The following RRM2 variants were observed in gnomAD, a reference collection of about 807,000 sequenced individuals.
The protein encoded by RRM2 is ribonucleoside-diphosphate reductase subunit M2.
In RRM2, 6 loss-of-function variants were observed where a neutral mutation model predicts 45.9. The observed-to-expected ratio is 0.13, with a 90% CI of 0.07 to 0.26. The LOEUF (loss-of-function observed/expected upper bound fraction) is 0.26, where lower values mean the gene tolerates loss of function less well. RRM2 is among the 10% of genes least tolerant of loss of function. The pLI is 1.00. For missense variants in RRM2, 343 were observed against 489.5 expected, an observed-to-expected ratio of 0.70 and a Z score of 2.82; for synonymous variants, 177 against 173.0, an observed-to-expected ratio of 1.02 and a Z score of -0.18.
rs770156338 is a variant in RRM2 at position 10,129,062 on chromosome 2, C to A, written c.925C>A (p.Pro309Thr). The A allele has an allele frequency of 6.2e-7, 1 of 1,613,988 alleles. No homozygotes were observed. Among genetic ancestry groups the A allele is most frequent in the Non-Finnish European group, 8.5e-7 (1 of 1,179,982 alleles). ...IEQEFLTEAL[P>T]VKLIGMNCTL... ...CTAGGAGTTCCTCACTGAGGCCTTG[C>A]CTGTGAAGCTCATTGGGATGAATTG... The change falls in exon 9 of 10, where the codon CCT (proline) becomes ACT (threonine). Residue 309 changes from proline (P) to threonine (T), a missense_variant. Pro to Thr is a conservative substitution (Grantham distance 38). Coordinates refer to ENST00000304567, the MANE Select transcript of RRM2 (RefSeq NM_001034.4). The surrounding 1 kb of genome is among the most constrained non-coding windows in gnomAD (Gnocchi z 4.8).
intron 3 of RRM2, among the ~76,000 whole-genome samples, chr2:10,165,980 C>T (rs1294400383): frequency 6.6e-6 from 1 of 152,134 alleles, no homozygotes; most frequent in Non-Finnish European, 1.5e-5. Flanking sequence ...GCATCAGAGG[C>T]TTTTGAAGGC....
upstream of RRM2, among the ~76,000 whole-genome samples, chr2:10,136,632 G>A (rs932253981): frequency 6.6e-6 from 1 of 152,200 alleles, no homozygotes; most frequent in Non-Finnish European, 1.5e-5. Context: ...AATTAGCCAT[G>A]TGTGGTGGCA....
rs367756522 is a variant in RRM2, at chr2:10,172,403, C to T, written n.482+30028C>T. On this transcript the variant is annotated intron_variant and non_coding_transcript_variant, in intron 3 of 3. Coordinates refer to the RRM2 transcript ENST00000381786. This position sits in a 1 kb window ranked among gnomAD's most constrained non-coding sequence, Gnocchi z 4.9. ...CGGACGGAGGACACTGCTTCTGCAG[C>T]GCTCCTTGTCTCCGTCAGTGATTTA... is the stretch of plus-strand genomic sequence containing the variant. Among the ~76,000 whole-genome samples, 1 of 152,134 alleles carries T rather than the reference C, an allele frequency of 6.6e-6. No individual in the cohort carries two copies. The highest frequency in any genetic ancestry group is 6.5e-5 in the Admixed American group (1 of 15,274).
At chr2:10,196,012 C>T (rs1056338077) in intron 3 of RRM2, among the ~76,000 whole-genome samples, 7 of 152,216 alleles carry the variant, frequency 4.6e-5, no homozygotes, top group African/African-American at 1.7e-4. Context: ...AGCCGGCCGC[C>T]CAGGGACCTG....
At chr2:10,134,100 C>T (rs1662948662), downstream of RRM2, among the ~76,000 whole-genome samples, 1 of 147,676 alleles carries the variant, frequency 6.8e-6, no homozygotes, top group South Asian at 2.1e-4. Context: ...ATCACTTGAA[C>T]CTGGGAGGCA....
At chr2:10,199,288 A>AAT in intron 3 of RRM2, 1 of 112,484 alleles carries the variant, frequency 8.9e-6, no homozygotes, top group Admixed American at 9.6e-5. Flanking sequence ...GAAAAAAAAA[A>AAT]GGGGGGGGGG....
At chr2:10,141,906 A>G in exon 2 of RRM2, 2 of 1,576,842 alleles carry the variant, frequency 1.3e-6, no homozygotes, top group Non-Finnish European at 1.7e-6. Flanking sequence ...CCTCGGGGAG[A>G]CAGCACGCCA....
In RRM2 at chr2:10,124,855, G is replaced by A; in HGVS notation, c.569+5G>A. On this transcript the variant is annotated splice_donor_5th_base_variant and intron_variant, in intron 5 of 9. Coordinates refer to ENST00000304567, the MANE Select transcript of RRM2 (RefSeq NM_001034.4). ...CATAAAAGATCCCAAAGAAAGGTGA[G>A]TATTCAAGTGGTATGCCAAGATTTT... 1 of 1,590,636 alleles carries A rather than the reference G, an allele frequency of 6.3e-7. No individual in the cohort carries two copies. Among genetic ancestry groups the A allele is most frequent in the Non-Finnish European group, 8.6e-7 (1 of 1,164,222 alleles).
chr2:10,148,121 G>A (rs1663228945), intron 3 of RRM2, among the ~76,000 whole-genome samples: 1 of 137,906 alleles, frequency 7.3e-6, no homozygotes, highest in Admixed American at 8.3e-5. Context: ...TCCAGCCTGG[G>A]CAACAGAGTG....
At chr2:10,182,918 C>T (rs1255050690) in intron 3 of RRM2, among the ~76,000 whole-genome samples, 1 of 152,174 alleles carries the variant, frequency 6.6e-6, no homozygotes, top group African/African-American at 2.4e-5. Flanking sequence ...TGGTTCATAC[C>T]TGTGATCCCA....
At chr2:10,141,910 C>A in exon 2 of RRM2, 1 of 1,577,478 alleles carries the variant, frequency 6.3e-7, no homozygotes, top group Non-Finnish European at 8.6e-7. Context: ...GGGGAGACAG[C>A]ACGCCAGTGA....
chr2:10,140,740 C>T (rs1454264721), upstream of RRM2, among the ~76,000 whole-genome samples: 2 of 152,156 alleles, frequency 1.3e-5, no homozygotes, highest in Non-Finnish European at 2.9e-5. Context: ...AGGAAGGTGT[C>T]CCACGTGGAG....
intron 8 of RRM2, 36 bp downstream of exon 8, chr2:10,128,988 C>CT (rs760575477): frequency 6.2e-7 from 1 of 1,608,864 alleles, no homozygotes; most frequent in East Asian, 2.2e-5. Flanking sequence ...CTCAAGCTTG[C>CT]TAGAAAATGC....
chr2:10,153,316 A>G (rs1362733484), intron 3 of RRM2, among the ~76,000 whole-genome samples: 1 of 152,180 alleles, frequency 6.6e-6, no homozygotes, highest in Middle Eastern at 3.2e-3. Flanking sequence ...CCTGGGTGAC[A>G]GAGTGAGGCC....
At chr2:10,199,625 C>T (rs1664495924) in intron 3 of RRM2, among the ~76,000 whole-genome samples, 1 of 151,594 alleles carries the variant, frequency 6.6e-6, no homozygotes, top group Non-Finnish European at 1.5e-5. Context: ...ACTAAAAATA[C>T]AAAAATTAGC....
upstream of RRM2, among the ~76,000 whole-genome samples, chr2:10,140,009 G>A (rs1327931839): frequency 6.6e-6 from 1 of 152,208 alleles, no homozygotes; most frequent in Non-Finnish European, 1.5e-5. Flanking sequence ...AGCACTTTGG[G>A]AGGCTGAGGC....
At chr2:10,142,117 G>A (rs1572497652) in intron 2 of RRM2, 1 of 1,573,060 alleles carries the variant, frequency 6.4e-7, no homozygotes, top group East Asian at 2.3e-5. Context: ...GGGTGGGCAA[G>A]CGCAAAGGCC....
intron 3 of RRM2, among the ~76,000 whole-genome samples, chr2:10,150,229 C>T (rs909147177): frequency 7.2e-5 from 11 of 151,996 alleles, no homozygotes; most frequent in Admixed American, 3.3e-4. Flanking sequence ...GGGTGGATCA[C>T]GAGGTCAGGA....
chr2:10,156,942 C>A (rs1663438253), intron 3 of RRM2, among the ~76,000 whole-genome samples: 1 of 151,608 alleles, frequency 6.6e-6, no homozygotes, highest in Non-Finnish European at 1.5e-5. Context: ...CAGTGCCCAG[C>A]CAGAGGAACG....
Sources: gnomAD v4.1 joint callset for allele counts (sites outside exome capture counted in the v4.1 genomes callset) on GRCh38, gnomAD v4.1.1 for gene constraint, Gnocchi (gnomAD v3.1) non-coding constraint, MANE v1.5 for transcripts, NCBI Gene and HGNC (gene_info 2026-07-23, HGNC 2026-07-21) for gene names.